The following VANGL1 variants were observed in gnomAD, a reference collection of about 807,000 sequenced individuals.
VANGL1 encodes VANGL planar cell polarity protein 1.
In VANGL1, 18 loss-of-function variants were observed where a neutral mutation model predicts 48.4. The observed-to-expected ratio is 0.37, with a 90% confidence interval of 0.26 to 0.55. The LOEUF (loss-of-function observed/expected upper bound fraction) is 0.55. Among genes scored for constraint, VANGL1 ranks in the 20% least tolerant of loss-of-function variants. The pLI is 0.81. For missense variants in VANGL1, 667 were observed against 675.8 expected (o/e 0.99, Z 0.14); for synonymous variants, 257 against 261.8 (o/e 0.98, Z 0.18).
rs1653428865 is a variant in VANGL1 at position 115,682,435 on chromosome 1, TA to T, written c.886del (p.Thr296GlnfsTer14). On this transcript the variant is annotated frameshift_variant, in exon 5 of 8. Coordinates refer to ENST00000355485, the MANE Select transcript of VANGL1 (RefSeq NM_138959.3). LOFTEE classifies it high-confidence loss of function. Reference protein sequence around the residue: ...KDFTIYNPNLLTASKFRAAKH... With the variant: ...KDFTIYNPNLXTASKFRAAKH... ...TTCACCATCTATAACCCAAACCTCC[TA>T]ACAGCCTCCAAATTCCGAGCAGCCA... 1 of 1,614,076 alleles carries T rather than the reference TA, an allele frequency of 6.2e-7. No individual in the cohort carries two copies. The highest frequency in any genetic ancestry group is 1.7e-5 in the Admixed American group (1 of 60,004).
chr1:115,659,523 G>A (rs909414190), intron 2 of VANGL1, 118 bp from the exon 3 acceptor site: 5 of 1,249,326 alleles, frequency 4.0e-6, no homozygotes, highest in Non-Finnish European at 3.5e-6. Context: ...GTGTGTGTGT[G>A]TGTGTGTGTG....
rs958122808 is a variant in VANGL1 at position 115,684,023 on chromosome 1, G to A, written c.1026G>A (p.Glu342=). 2.2e-5 allele frequency: 35 copies of A among 1,614,068 alleles called. No homozygotes were observed. In the East Asian group the frequency reaches 7.6e-4, roughly 35 times the overall value. The stretch of plus-strand genomic sequence containing the variant: ...GGCGCAGGGACTCAAGCCACAACGA[G>A]TTGTATTATGAAGAGGCCGAACATG... ...AARRRDSSHN[E]LYYEEAEHER... is the part of the protein sequence containing the mutation. The change falls in exon 6 of 8, where the codon GAG becomes GAA. Residue 342 remains glutamate, a synonymous_variant. Transcript: ENST00000355485.
In VANGL1 at chr1:115,692,577, ACT is replaced by A. The variant is rs1458291567; in HGVS notation, c.*1201_*1202del. The A allele has an allele frequency of 2.0e-5, 3 of 152,766 alleles. No homozygotes were observed. Among genetic ancestry groups the A allele is most frequent in the East Asian group, 1.9e-4 (1 of 5,176 alleles). 9.5% of individuals were successfully genotyped at this position (152,766 alleles called of 1,614,324 possible). On this transcript the variant is annotated 3_prime_UTR_variant, in exon 8 of 8. Transcript: ENST00000355485. ...TAAAGTGGGGAGAAGGAAAATGGAC[ACT>A]CTACAGAGTTTGGGGAAGGGAGAGT...
At chr1:115,683,898 A>T in intron 5 of VANGL1, 46 bp from the exon 6 acceptor site, 1 of 1,606,802 alleles carries the variant, frequency 6.2e-7, no homozygotes, top group Non-Finnish European at 8.5e-7. Context: ...TCTGTTTCCC[A>T]CCCTCGTGGT....
chr1:115,657,664 A>G (rs1652399161), intron 2 of VANGL1, among the ~76,000 whole-genome samples: 1 of 152,242 alleles, frequency 6.6e-6, no homozygotes, highest in South Asian at 2.1e-4. Context: ...GTTGACCAGA[A>G]CACCTCTGTT....
intron 4 of VANGL1, among the ~76,000 whole-genome samples, chr1:115,668,047 G>A (rs1557769108): frequency 6.6e-6 from 1 of 152,202 alleles, no homozygotes; most frequent in Non-Finnish European, 1.5e-5. Flanking sequence ...CAACAATCAT[G>A]TGAGGTAGGT....
At position 115,663,807 on chromosome 1, in the gene VANGL1, T is replaced by C. The variant is rs751947752; in HGVS notation, c.351T>C (p.Ser117=). The C allele has an allele frequency of 6.2e-7, 1 of 1,614,174 alleles. No individual in the cohort carries two copies. The highest frequency in any genetic ancestry group is 1.7e-5 in the Admixed American group (1 of 60,022). Residue 117 remains serine (S), a synonymous_variant, in exon 4 of 8, where the codon TCT becomes TCC. Transcript: ENST00000355485. ...GCTACCTGGGCCTCACCGTCGCCTC[T>C]TTTCTTGGACTTCTAGTTTTCCTCA... ...CKRYLGLTVA[S]FLGLLVFLTP... is the part of the protein sequence containing the mutation.
intron 6 of VANGL1, 52 bp downstream of exon 6, chr1:115,684,128 T>C: frequency 7.2e-7 from 1 of 1,386,432 alleles, no homozygotes; most frequent in Non-Finnish European, 9.6e-7. Flanking sequence ...TAAATTTTTA[T>C]TTTATTTATT....
At chr1:115,666,879 C>T (rs1281150412) in intron 4 of VANGL1, among the ~76,000 whole-genome samples, 1 of 152,212 alleles carries the variant, frequency 6.6e-6, no homozygotes, top group South Asian at 2.1e-4. Flanking sequence ...CTGGAGCAGG[C>T]TTGGCACCTT....
chr1:115,685,112 TGC>T (rs1653547506), intron 6 of VANGL1, among the ~76,000 whole-genome samples, 179 bp from the exon 7 acceptor site: 1 of 152,170 alleles, frequency 6.6e-6, no homozygotes, highest in African/African-American at 2.4e-5. Flanking sequence ...TTTTTGCTGT[TGC>T]CTTTCTTTCT....
chr1:115,680,412 A>T (rs756787793), intron 4 of VANGL1, among the ~76,000 whole-genome samples: 1 of 152,212 alleles, frequency 6.6e-6, no homozygotes, highest in African/African-American at 2.4e-5. Flanking sequence ...TAGCAGACAC[A>T]GGCACTCAAA....
At chr1:115,656,882 C>T (rs1364152951) in intron 2 of VANGL1, among the ~76,000 whole-genome samples, 1 of 152,176 alleles carries the variant, frequency 6.6e-6, no homozygotes, top group South Asian at 2.1e-4. Context: ...AAGATTTGAC[C>T]CATGGGACTA....
At chr1:115,656,771 TG>T (rs1652368983) in intron 2 of VANGL1, among the ~76,000 whole-genome samples, 1 of 152,328 alleles carries the variant, frequency 6.6e-6, no homozygotes, top group Non-Finnish European at 1.5e-5. Context: ...TTTCCACCCC[TG>T]GGTGGCTCCC....
Position 115,663,958 on chromosome 1 carries a change from T to C in VANGL1, c.502T>C (p.Trp168Arg). Reference sequence around the variant, plus strand: ...ACTCCTCATTCTGCTCATAGGGACCTGGGCACTTTTTTTCCGCAAGCGGAG... The same window carrying C: ...ACTCCTCATTCTGCTCATAGGGACCCGGGCACTTTTTTTCCGCAAGCGGAG... ...FKLLILLIGT[W>R]ALFFRKRRAD... is the part of the protein sequence containing the mutation. Residue 168 changes from tryptophan to arginine, a missense_variant, in exon 4 of 8, where the codon TGG becomes CGG. Transcript: ENST00000355485. 3 of 1,614,238 alleles carry C rather than the reference T, an allele frequency of 1.9e-6. No individual in the cohort carries two copies. Among genetic ancestry groups the C allele is most frequent in the South Asian group, 1.1e-5 (1 of 91,086 alleles).
chr1:115,670,160 C>T (rs539888218), intron 4 of VANGL1, among the ~76,000 whole-genome samples: 1 of 152,270 alleles, frequency 6.6e-6, no homozygotes, highest in African/African-American at 2.4e-5. Context: ...AAGAAGGTGG[C>T]CATCTGTAAG....
chr1:115,664,796 T>G (rs1452510643), intron 4 of VANGL1, among the ~76,000 whole-genome samples: 1 of 152,214 alleles, frequency 6.6e-6, no homozygotes, highest in Non-Finnish European at 1.5e-5. Flanking sequence ...TGTGTAATCC[T>G]TGAGTGTTGT....
At chr1:115,671,827 A>G (rs1299868267) in intron 4 of VANGL1, among the ~76,000 whole-genome samples, 1 of 152,124 alleles carries the variant, frequency 6.6e-6, no homozygotes, top group East Asian at 1.9e-4. Flanking sequence ...TAGGTGCCCC[A>G]GTAGGGGAGG....
At chr1:115,647,623 T>C (rs554980993) in intron 1 of VANGL1, among the ~76,000 whole-genome samples, 3 of 152,294 alleles carry the variant, frequency 2.0e-5, no homozygotes, top group South Asian at 4.2e-4. Context: ...GCCTGAGCTG[T>C]GTATAGGCTG....
chr1:115,666,576 T>TA (rs1652798959), intron 4 of VANGL1, among the ~76,000 whole-genome samples: 2 of 152,142 alleles, frequency 1.3e-5, no homozygotes. Flanking sequence ...GTCCAGGCTT[T>TA]AAAAAACTCA....
Sources: allele counts gnomAD v4.1 joint callset (sites outside exome capture counted in the v4.1 genomes callset), GRCh38; gene constraint gnomAD v4.1.1; transcripts MANE v1.5; gene names NCBI Gene and HGNC (gene_info 2026-07-23, HGNC 2026-07-21).